TVP23A: variants seen among roughly 807,000 people sequenced by gnomAD.
The protein encoded by TVP23A is trans-golgi network vesicle protein 23 homolog A.
Under a neutral mutation model 31.7 loss-of-function variants are expected in TVP23A, and 21 were observed. The observed-to-expected ratio is 0.66, with a 90% CI of 0.47 to 0.95. TVP23A has a LOEUF of 0.95. TVP23A is among the 40% of genes least tolerant of loss of function. TVP23A has a pLI of 0.00. For synonymous variants in TVP23A, 104 were observed against 96.0 expected (o/e 1.08, Z -0.49); for missense variants, 279 against 255.6 (o/e 1.09, Z -0.62).
At chr16:10,758,359 G>C (rs903951037), downstream of TVP23A, among the ~76,000 whole-genome samples, 13 of 152,208 alleles carry the variant, frequency 8.5e-5, no homozygotes, top group African/African-American at 3.1e-4. Flanking sequence ...TGTAGTTCCA[G>C]CTACTTGGGA....
rs978241268 is a variant in TVP23A at position 10,818,701 on chromosome 16, G to C, written c.-208C>G. The stretch of plus-strand genomic sequence containing the variant: ...CTAAGGCGCAGTCGCAGGCTGGGGA[G>C]GGGGCTCGGCTCGCCGGGGACGCGC... On this transcript the variant is annotated 5_prime_UTR_variant, in exon 1 of 8. Coordinates refer to ENST00000299866, the MANE Select transcript of TVP23A (RefSeq NM_001079512.4). This position sits in a 1 kb window ranked among gnomAD's most constrained non-coding sequence, Gnocchi z 4.7. 5.4e-6 allele frequency: 3 copies of C among 556,036 alleles called. No homozygotes were observed. Among genetic ancestry groups the C allele is most frequent in the African/African-American group, 2.0e-5 (1 of 49,654 alleles). The allele number at this position is 556,036 out of a possible 1,614,324, so 34.4% of individuals were successfully genotyped here.
chr16:10,805,658 G>A (rs952194287), intron 2 of TVP23A, among the ~76,000 whole-genome samples: 4 of 150,984 alleles, frequency 2.6e-5, no homozygotes, highest in African/African-American at 7.3e-5. Flanking sequence ...GCCCCTGGAC[G>A]CTTTTTTATC....
chr16:10,775,506 C>G, intron 2 of TVP23A: 1 of 1,050,142 alleles, frequency 9.5e-7, no homozygotes, highest in Non-Finnish European at 1.2e-6. Context: ...TCACACGCAG[C>G]CCACGGGGCA....
chr16:10,758,259 C>T (rs560211420), downstream of TVP23A, among the ~76,000 whole-genome samples: 224 of 152,264 alleles, frequency 1.5e-3, 3 homozygotes, highest in African/African-American at 5.3e-3. Context: ...TCACTTGAGC[C>T]CACGAGTTCG....
intron 6 of TVP23A, 38 bp from the exon 7 acceptor site, chr16:10,770,369 A>G (rs1481729489): frequency 1.3e-6 from 2 of 1,546,504 alleles, no homozygotes; most frequent in South Asian, 2.4e-5. Flanking sequence ...TTCTGTCCTT[A>G]CACGCGAGTG....
intron 2 of TVP23A, among the ~76,000 whole-genome samples, chr16:10,814,399 C>G (rs1370954310): frequency 6.6e-6 from 1 of 152,194 alleles, no homozygotes; most frequent in Non-Finnish European, 1.5e-5. Context: ...ATCTTTCCCC[C>G]AGAAGTGCTT....
rs556740014 is a variant in TVP23A at position 10,779,021 on chromosome 16, T to C, written c.90-3925A>G. Reference sequence around the variant, plus strand: ...GAGCCAAGTGTGCGCTGACCCATGGTAAAATGTGGAAGTAAATGCATTCGA... The same window carrying C: ...GAGCCAAGTGTGCGCTGACCCATGGCAAAATGTGGAAGTAAATGCATTCGA... On this transcript the variant is annotated intron_variant, in intron 2 of 7. Coordinates refer to ENST00000299866, the MANE Select transcript of TVP23A (RefSeq NM_001079512.4). This position sits in a 1 kb window ranked among gnomAD's most constrained non-coding sequence, Gnocchi z 4.9. Among the ~76,000 whole-genome samples, 1 of 152,292 alleles carries C rather than the reference T, an allele frequency of 6.6e-6. No homozygotes were observed. Among genetic ancestry groups the C allele is most frequent in the East Asian group, 1.9e-4 (1 of 5,192 alleles).
downstream of TVP23A, chr16:10,762,147 C>A: frequency 3.5e-6 from 1 of 284,942 alleles, no homozygotes; most frequent in Non-Finnish European, 6.7e-6. Context: ...CTGAGGAGGG[C>A]ACCCGATAGA....
chr16:10,807,273 T>G (rs375696307), intron 2 of TVP23A, among the ~76,000 whole-genome samples: 1 of 152,098 alleles, frequency 6.6e-6, no homozygotes, highest in East Asian at 1.9e-4. Context: ...CTATTGTTGA[T>G]TTCAGAGGAT....
intron 2 of TVP23A, among the ~76,000 whole-genome samples, chr16:10,807,233 G>T (rs888734142): frequency 3.3e-5 from 5 of 152,148 alleles, no homozygotes; most frequent in African/African-American, 1.2e-4. Flanking sequence ...GTGTGTGCAT[G>T]TCTGTGCGTG....
intron 3 of TVP23A, 91 bp from the exon 4 acceptor site, chr16:10,774,219 A>G: frequency 1.1e-6 from 1 of 936,852 alleles, no homozygotes. Flanking sequence ...GATTCATTTC[A>G]GACTTGTACT....
At chr16:10,801,729 C>T (rs1347674773) in intron 2 of TVP23A, among the ~76,000 whole-genome samples, 1 of 152,172 alleles carries the variant, frequency 6.6e-6, no homozygotes, top group Non-Finnish European at 1.5e-5. Flanking sequence ...AGATTACAGG[C>T]ATGAGCCACC....
At chr16:10,799,829 G>C (rs1157649509) in intron 2 of TVP23A, among the ~76,000 whole-genome samples, 1 of 152,072 alleles carries the variant, frequency 6.6e-6, no homozygotes, top group Non-Finnish European at 1.5e-5. Context: ...TTTCAAAACA[G>C]GGGACTCGGA....
intron 2 of TVP23A, among the ~76,000 whole-genome samples, chr16:10,809,838 G>A (rs1317044557): frequency 6.6e-6 from 1 of 152,108 alleles, no homozygotes; most frequent in African/African-American, 2.4e-5. Context: ...ACACAGCACG[G>A]CTAAAACAGA....
intron 2 of TVP23A, among the ~76,000 whole-genome samples, chr16:10,802,670 GT>G (rs969462910): frequency 2.0e-5 from 3 of 151,808 alleles, no homozygotes; most frequent in Admixed American, 6.6e-5. Context: ...AAAGTAAAAA[GT>G]TTTTTTTAAG....
intron 2 of TVP23A, among the ~76,000 whole-genome samples, chr16:10,810,704 TCTC>T (rs1407652577): frequency 6.6e-6 from 1 of 152,120 alleles, no homozygotes; most frequent in East Asian, 1.9e-4. Flanking sequence ...GCCGTCCTCA[TCTC>T]CTCTCAGACA....
In TVP23A at chr16:10,779,818, T is replaced by G. The variant is rs1427965411; in HGVS notation, c.90-4722A>C. The stretch of plus-strand genomic sequence containing the variant: ...AAAATAAGTGATTGGCCGGGGGCGG[T>G]GGCTCACGCCTGTAATCCCCAGCCC... On this transcript the variant is annotated intron_variant, in intron 2 of 7. Transcript: ENST00000299866. The surrounding 1 kb of genome is among the most constrained non-coding windows in gnomAD (Gnocchi z 4.9). Among the ~76,000 whole-genome samples the G allele has an allele frequency of 3.3e-5, 5 of 152,172 alleles. No individual in the cohort carries two copies. Among genetic ancestry groups the G allele is most frequent in the African/African-American group, 1.2e-4 (5 of 41,424 alleles).
chr16:10,767,250 C>T lies in TVP23A; in HGVS notation c.*1852G>A, dbSNP rs927035440. The T allele has an allele frequency of 2.5e-6, 1 of 399,412 alleles. No individual in the cohort carries two copies. Among genetic ancestry groups the T allele is most frequent in the Non-Finnish European group, 4.4e-6 (1 of 226,722 alleles). The allele number at this position is 399,412 out of a possible 1,614,324, so 24.7% of individuals were successfully genotyped here. A position where few individuals can be genotyped will look rare whatever the true frequency, so the allele number is the denominator to read the frequency against. ...CGAGAACACCCCCATTGACCCCTAGCCCCTTGTGTCCTGTCCACCTGGCTC... is the reference window on the plus strand; with the variant it reads ...CGAGAACACCCCCATTGACCCCTAGTCCCTTGTGTCCTGTCCACCTGGCTC... On this transcript the variant is annotated 3_prime_UTR_variant, in exon 8 of 8. Coordinates refer to ENST00000299866, the MANE Select transcript of TVP23A (RefSeq NM_001079512.4). The surrounding 1 kb of genome is among the most constrained non-coding windows in gnomAD (Gnocchi z 4.6).
At chr16:10,761,838 G>A (rs369634732), downstream of TVP23A, 9 of 1,614,078 alleles carry the variant, frequency 5.6e-6, no homozygotes, top group Non-Finnish European at 7.6e-6. Flanking sequence ...CCTCGGCAGA[G>A]TGCCCCTGGA....
Sources: gnomAD v4.1 joint callset for allele counts (sites outside exome capture counted in the v4.1 genomes callset) on GRCh38, gnomAD v4.1.1 for gene constraint, Gnocchi (gnomAD v3.1) non-coding constraint, MANE v1.5 for transcripts, NCBI Gene and HGNC (gene_info 2026-07-23, HGNC 2026-07-21) for gene names.